Variants in LTBP1 observed in about 807,000 individuals in gnomAD.
LTBP1 encodes latent-transforming growth factor beta-binding protein 1.
In LTBP1, 129 loss-of-function variants were observed where a neutral mutation model predicts 207.6. The observed-to-expected ratio is 0.62, with a 90% CI of 0.54 to 0.72. The LOEUF is 0.72. Ranked by LOEUF, LTBP1 falls within the 30% of genes least tolerant of loss-of-function variation. The pLI, the probability that LTBP1 is intolerant of heterozygous loss-of-function variation, is 0.00. For synonymous variants in LTBP1, 963 were observed against 833.7 expected (o/e 1.16, Z -2.67); for missense variants, 2,281 against 2,217.2 (o/e 1.03, Z -0.58).
intron 3 of LTBP1, among the ~76,000 whole-genome samples, chr2:33,106,934 G>C (rs1285575648): frequency 2.6e-5 from 4 of 152,194 alleles, no homozygotes; most frequent in Non-Finnish European, 5.9e-5. Flanking sequence ...ACACTGTTCA[G>C]CCCTACTTCT....
chr2:33,167,361 C>CAAAAAA (rs80088509), intron 5 of LTBP1, among the ~76,000 whole-genome samples: 1,921 of 112,768 alleles, frequency 0.017, 16 homozygotes, highest in East Asian at 0.031. Flanking sequence ...TTTGTACATT[C>CAAAAAA]AAAAAAAAAA....
At chr2:33,109,673 T>C (rs998019959) in intron 3 of LTBP1, among the ~76,000 whole-genome samples, 19 of 152,200 alleles carry the variant, frequency 1.2e-4, no homozygotes, top group African/African-American at 4.6e-4. Flanking sequence ...TTATAAAACA[T>C]TTAACTCAAA....
intron 19 of LTBP1, chr2:33,285,941 A>G (rs1370834233): frequency 6.6e-6 from 1 of 152,110 alleles, no homozygotes; most frequent in African/African-American, 2.4e-5. Flanking sequence ...CTTGGGAGCC[A>G]TGATACTTCT....
At chr2:33,349,676 G>C (rs1384589492) in intron 26 of LTBP1, among the ~76,000 whole-genome samples, 3 of 152,094 alleles carry the variant, frequency 2.0e-5, no homozygotes, top group African/African-American at 7.2e-5. Flanking sequence ...TTTTACACTT[G>C]TCCACACCTA....
At position 33,363,295 on chromosome 2, in the gene LTBP1, A is replaced by T. The variant is rs2094946923; in HGVS notation, c.4271-95A>T. ...GATTCTTTGGAATGTAAATATTATA[A>T]TATCTAACTTAAAGCCCCAAATCTG... On this transcript the variant is annotated intron_variant, in intron 28 of 33. Coordinates refer to ENST00000404816, the MANE Select transcript of LTBP1 (RefSeq NM_206943.4). The T allele has an allele frequency of 2.5e-6, 3 of 1,203,498 alleles. No homozygotes were observed. The South Asian group carries it at 4.4e-5, about 18-fold the overall frequency. 74.6% of individuals were successfully genotyped at this position (1,203,498 alleles called of 1,614,324 possible).
chr2:33,238,026 G>T (rs995878693), intron 9 of LTBP1, among the ~76,000 whole-genome samples: 1 of 135,214 alleles, frequency 7.4e-6, no homozygotes, highest in Non-Finnish European at 1.6e-5. Flanking sequence ...GTGCAAAGTT[G>T]TTCTTTGGAA....
chr2:33,044,904 GTCT>G (rs1200365390), intron 3 of LTBP1, among the ~76,000 whole-genome samples: 2 of 152,080 alleles, frequency 1.3e-5, no homozygotes, highest in African/African-American at 4.8e-5. Flanking sequence ...CCGCATGAAT[GTCT>G]TCTTTAGAGA....
intron 4 of LTBP1, among the ~76,000 whole-genome samples, chr2:33,130,494 C>T (rs779569688): frequency 7.9e-5 from 12 of 152,182 alleles, no homozygotes; most frequent in Admixed American, 5.2e-4. Context: ...GGCAACTGTG[C>T]CCTTTTCTAG....
At chr2:33,079,763 C>G (rs1389161681) in intron 3 of LTBP1, among the ~76,000 whole-genome samples, 2 of 152,160 alleles carry the variant, frequency 1.3e-5, no homozygotes, top group Non-Finnish European at 2.9e-5. Context: ...CTCCCACCTC[C>G]TTTCTGGCTT....
intron 15 of LTBP1, among the ~76,000 whole-genome samples, chr2:33,263,916 G>A (rs2093095334): frequency 7.0e-6 from 1 of 143,568 alleles, no homozygotes; most frequent in African/African-American, 2.6e-5. Flanking sequence ...TCACGCCACT[G>A]CACTCCAGCC....
At chr2:33,030,617 TCA>T (rs2149314076) in intron 3 of LTBP1, among the ~76,000 whole-genome samples, 1 of 152,348 alleles carries the variant, frequency 6.6e-6, no homozygotes, top group Admixed American at 6.5e-5. Flanking sequence ...TTGAAACACT[TCA>T]CAGTCTCCTT....
chr2:33,257,092 AT>A (rs55693621), intron 11 of LTBP1, among the ~76,000 whole-genome samples, 191 bp from the exon 12 acceptor site: 3,466 of 151,906 alleles, frequency 0.023, 63 homozygotes, highest in Non-Finnish European at 0.036. Flanking sequence ...AAAAAGTTGG[AT>A]TTTTTTCTTT....
intron 4 of LTBP1, among the ~76,000 whole-genome samples, chr2:33,126,019 A>G (rs1049902064): frequency 1.3e-5 from 2 of 152,100 alleles, no homozygotes; most frequent in Non-Finnish European, 2.9e-5. Flanking sequence ...CCTAGAAGAT[A>G]CTTTCAAGGT....
intron 24 of LTBP1, among the ~76,000 whole-genome samples, chr2:33,341,714 C>CAAAAAAAAA (rs1212498794): frequency 5.3e-5 from 6 of 113,064 alleles, no homozygotes; most frequent in African/African-American, 2.6e-4. Context: ...CCGTCTCACT[C>CAAAAAAAAA]AAAAAAAAAA....
In LTBP1 at chr2:33,296,231, AT is replaced by A. The variant is rs200434858; in HGVS notation, c.3235+2956del. ...ATCTTCTTTCATCCTAATCTGCCTA[AT>A]TTTTTTCATCTGCTTGTTGATAAAA... On this transcript the variant is annotated intron_variant, in intron 20 of 33. Coordinates refer to ENST00000404816, the MANE Select transcript of LTBP1 (RefSeq NM_206943.4). Among the ~76,000 whole-genome samples the A allele has an allele frequency of 6.9e-3, 1,050 of 151,896 alleles. 18 individuals are homozygous for A. Among genetic ancestry groups the A allele is most frequent in the African/African-American group, 0.024 (1,008 of 41,430 alleles).
At chr2:33,198,139 G>T (rs894207620) in intron 7 of LTBP1, among the ~76,000 whole-genome samples, 11 of 152,080 alleles carry the variant, frequency 7.2e-5, no homozygotes, top group Non-Finnish European at 1.5e-5. Context: ...AAACTTTTCT[G>T]CATCTATTGA....
At chr2:32,957,088 A>G (rs2148349186) in intron 2 of LTBP1, among the ~76,000 whole-genome samples, 1 of 152,336 alleles carries the variant, frequency 6.6e-6, no homozygotes, top group South Asian at 2.1e-4. Context: ...AAGCAGATTT[A>G]GCATAATTCT....
Position 33,021,197 on chromosome 2 carries a change from T to G in LTBP1, c.854T>G (p.Ile285Arg). 1 of 1,592,688 alleles carries G rather than the reference T, an allele frequency of 6.3e-7. No individual in the cohort carries two copies. The highest frequency in any genetic ancestry group is 1.1e-5 in the South Asian group (1 of 87,750). The part of the protein sequence containing the change: ...PKPSVGLPQQ[I>R]HSQVTPLSSQ... ...CCTTCAGTGGGACTCCCCCAGCAGA[T>G]ACATTCTCAGTGAGTGTTTCGAACT... Residue 285 changes from isoleucine (I) to arginine (R), a missense_variant, in exon 3 of 34, where the codon ATA (isoleucine) becomes AGA (arginine). Coordinates refer to ENST00000404816, the MANE Select transcript of LTBP1 (RefSeq NM_206943.4).
chr2:33,383,744 C>G (rs1042289256), intron 31 of LTBP1, among the ~76,000 whole-genome samples: 11 of 152,070 alleles, frequency 7.2e-5, no homozygotes, highest in Admixed American at 6.6e-4. Context: ...ACCATGTTGC[C>G]CAGGCTGGTC....
Sources: allele counts gnomAD v4.1 joint callset (sites outside exome capture counted in the v4.1 genomes callset), GRCh38; gene constraint gnomAD v4.1.1; transcripts MANE v1.5; gene names NCBI Gene and HGNC (gene_info 2026-07-23, HGNC 2026-07-21).